Variants in OR3A2 observed in about 807,000 individuals in gnomAD.
The protein encoded by OR3A2 is olfactory receptor 3A2.
For missense variants in OR3A2, 318 were observed against 392.8 expected (o/e 0.81, Z 1.61); for synonymous variants, 126 against 159.3 (o/e 0.79, Z 1.57).
At chr17:3,325,935 C>A (rs886655221) in intron 3 of OR3A2, among the ~76,000 whole-genome samples, 1 of 152,076 alleles carries the variant, frequency 6.6e-6, no homozygotes, top group African/African-American at 2.4e-5. Context: ...TCCTGATGCT[C>A]TCCCTTCCCC....
upstream of OR3A2, among the ~76,000 whole-genome samples, chr17:3,286,146 A>G (rs2048808890): frequency 6.6e-6 from 1 of 151,866 alleles, no homozygotes; most frequent in Admixed American, 6.5e-5. Flanking sequence ...ACTCCCACTT[A>G]TGAGTGAGAA....
At chr17:3,349,294 G>T (rs1033752990) in intron 2 of OR3A2, among the ~76,000 whole-genome samples, 2 of 152,024 alleles carry the variant, frequency 1.3e-5, no homozygotes, top group Non-Finnish European at 2.9e-5. Flanking sequence ...CCCATCTCAC[G>T]GGCAGAGACA....
chr17:3,361,115 C>T (rs1158658767), intron 2 of OR3A2, among the ~76,000 whole-genome samples: 1 of 151,320 alleles, frequency 6.6e-6, no homozygotes, highest in Non-Finnish European at 1.5e-5. Flanking sequence ...TTGTAGTTCT[C>T]CTTGAAGAGG....
exon 2 of OR3A2, chr17:3,277,689 T>C (rs543607071): frequency 7.7e-5 from 27 of 349,628 alleles, no homozygotes; most frequent in Middle Eastern, 8.3e-4. Flanking sequence ...TTATTTACTT[T>C]GTCTACTTTT....
intron 2 of OR3A2, among the ~76,000 whole-genome samples, chr17:3,338,189 A>G (rs2049287586): frequency 6.6e-6 from 1 of 152,180 alleles, no homozygotes; most frequent in African/African-American, 2.4e-5. Flanking sequence ...TCAGATGGGT[A>G]GATTGCAAAA....
chr17:3,278,063 G>C (rs369552855), exon 2 of OR3A2: 1 of 1,614,152 alleles, frequency 6.2e-7, no homozygotes. Flanking sequence ...TCAGCATAGG[G>C]TTGATAACAG....
rs776586568 is a variant in OR3A2 at position 3,310,968 on chromosome 17, TC to T, written c.-85+25064del. 8 of 561,944 alleles carry T rather than the reference TC, an allele frequency of 1.4e-5. No individual in the cohort carries two copies. In the African/African-American group the frequency reaches 1.5e-4, roughly 11 times the overall value. The allele number at this position is 561,944 out of a possible 1,614,324, so 34.8% of individuals were successfully genotyped here. A position where few individuals can be genotyped will look rare whatever the true frequency, so the allele number is the denominator to read the frequency against. On this transcript the variant is annotated intron_variant, in intron 3 of 4. Coordinates refer to the OR3A2 transcript ENST00000573491. ...GGCCCCCTTGGTCCTCATCACTGTG[TC>T]CTATGCCCATGTGGCAGCTGCAGTC...
intron 2 of OR3A2, among the ~76,000 whole-genome samples, chr17:3,374,340 G>A (rs994580057): frequency 6.6e-6 from 1 of 152,138 alleles, no homozygotes; most frequent in Non-Finnish European, 1.5e-5. Context: ...TGGTCATCTA[G>A]ATGTCTAGTA....
chr17:3,319,817 A>C (rs1262309856), intron 3 of OR3A2, among the ~76,000 whole-genome samples: 1 of 152,176 alleles, frequency 6.6e-6, no homozygotes, highest in Non-Finnish European at 1.5e-5. Flanking sequence ...GCTATTGTGA[A>C]TAGTGCTGCA....
Position 3,361,280 on chromosome 17 carries a change from G to A in OR3A2, c.-179+22524C>T, listed in dbSNP as rs574943391. Among the ~76,000 whole-genome samples, 20 of 151,394 alleles carry A rather than the reference G, an allele frequency of 1.3e-4. 1 individual carries two copies. The South Asian group carries it at 1.7e-3, about 13-fold the overall frequency. ...CATTGATTTTGTATCCTGAGACTTTGCTGAAGTTGCTTATCAGCTTAAGGA... is the reference window on the plus strand; with the variant it reads ...CATTGATTTTGTATCCTGAGACTTTACTGAAGTTGCTTATCAGCTTAAGGA... On this transcript the variant is annotated intron_variant, in intron 2 of 4. Transcript: ENST00000573491.
intron 3 of OR3A2, among the ~76,000 whole-genome samples, chr17:3,323,818 A>C (rs954061708): frequency 2.6e-5 from 4 of 151,990 alleles, no homozygotes; most frequent in African/African-American, 7.3e-5. Flanking sequence ...ACTTTGGTGA[A>C]TCTGACAATT....
At chr17:3,379,050 C>T (rs527844295) in intron 2 of OR3A2, among the ~76,000 whole-genome samples, 4 of 152,260 alleles carry the variant, frequency 2.6e-5, no homozygotes, top group African/African-American at 9.6e-5. Context: ...CTCACTCATT[C>T]CACAACTTCT....
At chr17:3,309,585 C>T (rs2049024351) in intron 3 of OR3A2, among the ~76,000 whole-genome samples, 1 of 152,132 alleles carries the variant, frequency 6.6e-6, no homozygotes, top group South Asian at 2.1e-4. Flanking sequence ...ACGGTCAGTA[C>T]TTTTGAGCCC....
intron 2 of OR3A2, among the ~76,000 whole-genome samples, chr17:3,361,279 T>C (rs927681812): frequency 9.2e-5 from 14 of 151,364 alleles, no homozygotes; most frequent in African/African-American, 3.4e-4. Context: ...CCTGAGACTT[T>C]GCTGAAGTTG....
At chr17:3,378,786 C>A (rs939817172) in intron 2 of OR3A2, among the ~76,000 whole-genome samples, 8 of 152,200 alleles carry the variant, frequency 5.3e-5, no homozygotes, top group African/African-American at 1.9e-4. Context: ...CCCGGAAGTT[C>A]TCCCTGAACA....
At chr17:3,322,069 G>T (rs1432654637) in intron 3 of OR3A2, among the ~76,000 whole-genome samples, 1 of 151,560 alleles carries the variant, frequency 6.6e-6, no homozygotes, top group Non-Finnish European at 1.5e-5. Context: ...CCTGTTATTG[G>T]TCTATTCAAC....
intron 2 of OR3A2, among the ~76,000 whole-genome samples, chr17:3,379,470 G>A (rs1436895147): frequency 1.3e-5 from 2 of 152,200 alleles, no homozygotes; most frequent in African/African-American, 4.8e-5. Context: ...TCCACATGGG[G>A]TGTGAGGCTC....
At chr17:3,305,923 T>C (rs947075370) in intron 3 of OR3A2, among the ~76,000 whole-genome samples, 2 of 152,252 alleles carry the variant, frequency 1.3e-5, no homozygotes, top group Non-Finnish European at 2.9e-5. Context: ...TGTCTGTATT[T>C]GGTCACCTCT....
At chr17:3,327,918 C>T (rs944344541) in intron 3 of OR3A2, among the ~76,000 whole-genome samples, 1 of 124,498 alleles carries the variant, frequency 8.0e-6, no homozygotes, top group African/African-American at 3.5e-5. Context: ...TGACCTATAT[C>T]TCTGTTTTGG....
Sources: gnomAD v4.1 joint callset for allele counts (sites outside exome capture counted in the v4.1 genomes callset) on GRCh38, gnomAD v4.1.1 for gene constraint, MANE v1.5 for transcripts, NCBI Gene and HGNC (gene_info 2026-07-23, HGNC 2026-07-21) for gene names.